The following EHMT1 variants were observed in gnomAD, a reference collection of about 807,000 sequenced individuals.
EHMT1 encodes the protein euchromatic histone lysine methyltransferase 1.
EHMT1 carries 15 observed loss-of-function variants against 147.2 expected under a neutral mutation model. The ratio of observed to expected loss-of-function variants is 0.10; its 90% CI spans 0.07 to 0.16. The LOEUF is 0.16. EHMT1 is among the 10% of genes least tolerant of loss of function. The pLI is 1.00. For missense variants in EHMT1, 1,587 were observed against 1,772.4 expected, an observed-to-expected ratio of 0.90 and a Z score of 1.88; for synonymous variants, 795 against 709.6, an observed-to-expected ratio of 1.12 and a Z score of -1.91.
At chr9:137,742,082 C>G (rs1257434552) in intron 4 of EHMT1, among the ~76,000 whole-genome samples, 2 of 152,244 alleles carry the variant, frequency 1.3e-5, no homozygotes, top group African/African-American at 4.8e-5. Flanking sequence ...CTGTGTGCTC[C>G]GAGCCTGACC....
At chr9:137,697,962 C>T (rs913757442) in intron 1 of EHMT1, among the ~76,000 whole-genome samples, 3 of 150,722 alleles carry the variant, frequency 2.0e-5, no homozygotes, top group Admixed American at 1.3e-4. Context: ...GCGTGGCTCG[C>T]GGAGGCCTCA....
intron 1 of EHMT1, chr9:137,680,961 CTG>C (rs1286894290): frequency 6.6e-6 from 1 of 152,314 alleles, no homozygotes; most frequent in Non-Finnish European, 1.5e-5. Context: ...TCTGCATTAT[CTG>C]TGTGTGCCCT....
At chr9:137,692,526 A>G (rs1229363642) in intron 1 of EHMT1, among the ~76,000 whole-genome samples, 2 of 151,986 alleles carry the variant, frequency 1.3e-5, no homozygotes, top group African/African-American at 4.8e-5. Context: ...TCAGCCTCCC[A>G]AAGTGCTGGT....
intron 10 of EHMT1, among the ~76,000 whole-genome samples, chr9:137,772,593 G>A (rs757700860): frequency 1.3e-5 from 2 of 152,230 alleles, no homozygotes; most frequent in Non-Finnish European, 2.9e-5. Context: ...TTCTGCCGGT[G>A]CGGACCCACC....
chr9:137,800,195 A>G (rs551707178), intron 17 of EHMT1, among the ~76,000 whole-genome samples: 2 of 152,338 alleles, frequency 1.3e-5, no homozygotes, highest in South Asian at 4.1e-4. Context: ...GGAATTGGCC[A>G]TATGACCCTC....
chr9:137,666,574 C>G (rs1000750640), intron 1 of EHMT1, among the ~76,000 whole-genome samples: 3 of 152,256 alleles, frequency 2.0e-5, no homozygotes, highest in Admixed American at 2.0e-4. Context: ...CACGGTGCAG[C>G]TGGCTCTTTG....
intron 1 of EHMT1, among the ~76,000 whole-genome samples, chr9:137,652,112 A>G (rs1003918838): frequency 3.3e-5 from 5 of 152,218 alleles, no homozygotes; most frequent in Non-Finnish European, 7.3e-5. Flanking sequence ...GGAGTCTAGA[A>G]GACACTGTTA....
chr9:137,671,189 C>T (rs1172032686), intron 1 of EHMT1, among the ~76,000 whole-genome samples: 2 of 151,966 alleles, frequency 1.3e-5, no homozygotes, highest in African/African-American at 2.4e-5. Flanking sequence ...AATAAGTGAG[C>T]GGAAATTCTT....
chr9:137,686,693 A>G (rs1300275478), intron 1 of EHMT1, among the ~76,000 whole-genome samples: 2 of 140,572 alleles, frequency 1.4e-5, no homozygotes, highest in African/African-American at 2.7e-5. Flanking sequence ...GTCAATTTTT[A>G]TACATGGCAT....
rs11137180 is a variant in EHMT1, at chr9:137,684,272, A to G, written c.22-26695A>G. ...GGTCTCAAACTCCTGGACTCAAGCA[A>G]TCTGCCCGCCTTGGCCTCCCAAAGT... On this transcript the variant is annotated intron_variant, in intron 1 of 26. Coordinates refer to ENST00000460843, the MANE Select transcript of EHMT1 (RefSeq NM_024757.5). 2.6e-3 allele frequency among the ~76,000 whole-genome samples: 399 copies of G among 152,290 alleles called. 11 individuals carry two copies. In the South Asian group the frequency reaches 0.04, roughly 15 times the overall value.
intron 1 of EHMT1, among the ~76,000 whole-genome samples, chr9:137,630,087 T>C (rs957461920): frequency 3.9e-5 from 6 of 152,360 alleles, no homozygotes; most frequent in East Asian, 1.9e-4. Flanking sequence ...GGAACATCAC[T>C]GTGAGCTGCT....
intron 1 of EHMT1, among the ~76,000 whole-genome samples, chr9:137,622,289 T>G (rs566804162): frequency 9.2e-4 from 140 of 152,012 alleles, no homozygotes; most frequent in African/African-American, 3.1e-3. Flanking sequence ...TGGCTAATTT[T>G]TGTGTTTTCA....
rs542382391 is a variant in EHMT1 at position 137,800,525 on chromosome 9, G to C, written c.2608-355G>C. 56 of 316,400 alleles carry C rather than the reference G, an allele frequency of 1.8e-4. No homozygotes were observed. The Middle Eastern group carries it at 3.0e-3, about 17-fold the overall frequency. The allele number at this position is 316,400 out of a possible 1,614,324, so 19.6% of individuals were successfully genotyped here. On this transcript the variant is annotated intron_variant, in intron 17 of 26. Coordinates refer to ENST00000460843, the MANE Select transcript of EHMT1 (RefSeq NM_024757.5). ...TCCGGGTCTGGCCTGGGCTTACGAA[G>C]TTTCAGCTCCCGTGTGTGTGCCATT...
At chr9:137,640,520 T>G (rs2133801965) in intron 1 of EHMT1, among the ~76,000 whole-genome samples, 2 of 152,212 alleles carry the variant, frequency 1.3e-5, no homozygotes, top group Admixed American at 1.3e-4. Context: ...CAAGTGATCC[T>G]CCCATCTTGG....
At chr9:137,811,914 G>A (rs1954520270) in intron 19 of EHMT1, among the ~76,000 whole-genome samples, 1 of 152,216 alleles carries the variant, frequency 6.6e-6, no homozygotes, top group African/African-American at 2.4e-5. Flanking sequence ...GAACAGCCCT[G>A]CTCCCAGCAG....
rs1446838846 is a variant in EHMT1, at chr9:137,813,548, A to C, written c.3180+18A>C. On this transcript the variant is annotated intron_variant, in intron 21 of 26. Coordinates refer to ENST00000460843, the MANE Select transcript of EHMT1 (RefSeq NM_024757.5). This position sits in a 1 kb window ranked among gnomAD's most constrained non-coding sequence, Gnocchi z 4.9. Reference sequence around the variant, plus strand: ...ATCTGCAGGTGAGTGACGGCAGATGAAGGGCTGACTCAGGCCAGGACATGG... The same window carrying C: ...ATCTGCAGGTGAGTGACGGCAGATGCAGGGCTGACTCAGGCCAGGACATGG... 5.0e-6 allele frequency: 8 copies of C among 1,613,432 alleles called. No individual in the cohort carries two copies. In the South Asian group the frequency reaches 8.8e-5, roughly 18 times the overall value.
At chr9:137,644,478 C>G (rs1399117205) in intron 1 of EHMT1, among the ~76,000 whole-genome samples, 1 of 152,130 alleles carries the variant, frequency 6.6e-6, no homozygotes, top group African/African-American at 2.4e-5. Context: ...CAGGCACATG[C>G]CACCACGCCC....
In EHMT1 at chr9:137,701,715, C is replaced by T. The variant is rs374470547; in HGVS notation, c.22-9252C>T. Reference sequence around the variant, plus strand: ...TGATCTCAGCTCACTGCAACCTCCACCTCCCAGGTTCAAGGAATTCTCCTG... The same window carrying T: ...TGATCTCAGCTCACTGCAACCTCCATCTCCCAGGTTCAAGGAATTCTCCTG... On this transcript the variant is annotated intron_variant, in intron 1 of 26. Transcript: ENST00000460843. Among the ~76,000 whole-genome samples, 507 of 150,894 alleles carry T rather than the reference C, an allele frequency of 3.4e-3. 3 individuals are homozygous for T. The South Asian group carries it at 0.036, about 11-fold the overall frequency.
Position 137,775,309 on chromosome 9 carries a change from T to C in EHMT1, c.1791+57T>C. 6.3e-7 allele frequency: 1 copy of C among 1,593,376 alleles called. No individual in the cohort carries two copies. Among genetic ancestry groups the C allele is most frequent in the Non-Finnish European group, 8.5e-7 (1 of 1,176,564 alleles). On this transcript the variant is annotated intron_variant, in intron 11 of 26. Transcript: ENST00000460843. The surrounding 1 kb of genome is among the most constrained non-coding windows in gnomAD (Gnocchi z 6.1). ...TCCGCAGGCTTTGCTGTCTGCTCAC[T>C]GGTGCTGGTTCCTGTCCTGTGTCCA...
Sources: allele counts gnomAD v4.1 joint callset (sites outside exome capture counted in the v4.1 genomes callset), GRCh38; gene constraint gnomAD v4.1.1; non-coding constraint Gnocchi (gnomAD v3.1); transcripts MANE v1.5; gene names NCBI Gene and HGNC (gene_info 2026-07-23, HGNC 2026-07-21).